Variants in KCNQ1 observed in about 807,000 individuals in gnomAD.
The protein encoded by KCNQ1 is potassium voltage-gated channel subfamily KQT member 1.
KCNQ1 carries 49 observed loss-of-function variants against 72.4 expected under a neutral mutation model. That is an observed-to-expected ratio of 0.68 (90% CI 0.54 to 0.86). The LOEUF (loss-of-function observed/expected upper bound fraction) is 0.86. Among genes scored for constraint, KCNQ1 ranks in the 40% least tolerant of loss-of-function variants. The pLI, the probability that KCNQ1 is intolerant of heterozygous loss-of-function variation, is 0.00. For synonymous variants in KCNQ1, 450 were observed against 412.6 expected (o/e 1.09, Z -1.10); for missense variants, 790 against 945.1 (o/e 0.84, Z 2.15).
At position 2,620,213 on chromosome 11, in the gene KCNQ1, T is replaced by TATATATATA. The variant is rs1305943444; in HGVS notation, c.1393+31359_1393+31360insATATATATA. 1 of 239,608 alleles carries TATATATATA rather than the reference T, an allele frequency of 4.2e-6. No individual in the cohort carries two copies. Among genetic ancestry groups the TATATATATA allele is most frequent in the African/African-American group, 3.0e-5 (1 of 33,630 alleles). 14.8% of individuals were successfully genotyped at this position (239,608 alleles called of 1,614,324 possible). On this transcript the variant is annotated intron_variant, in intron 10 of 15. Transcript: ENST00000155840. The surrounding 1 kb of genome is among the most constrained non-coding windows in gnomAD (Gnocchi z 4.5). ...AGTTCATTCATGTATATATATATAT[T>TATATATATA]TTTTTTTTTTATTTTTTTTTTAGAC...
At chr11:2,472,024 ATGG>A (rs1159111805) in intron 1 of KCNQ1, among the ~76,000 whole-genome samples, 6 of 136,680 alleles carry the variant, frequency 4.4e-5, no homozygotes, top group African/African-American at 1.7e-4. Context: ...AGGTGTATGT[ATGG>A]TTGTGTGTGT....
intron 11 of KCNQ1, among the ~76,000 whole-genome samples, chr11:2,753,205 C>T (rs959984985): frequency 5.9e-5 from 9 of 152,308 alleles, no homozygotes; most frequent in African/African-American, 1.9e-4. Context: ...GGAAGCCATA[C>T]AGTATCTGAG....
chr11:2,566,670 G>A lies in KCNQ1; in HGVS notation c.478-3958G>A, dbSNP rs564062399. On this transcript the variant is annotated intron_variant, in intron 2 of 15. Coordinates refer to ENST00000155840, the MANE Select transcript of KCNQ1 (RefSeq NM_000218.3). The surrounding 1 kb of genome is among the most constrained non-coding windows in gnomAD (Gnocchi z 6.7). ...CTTTGGTCTGTTTGTGGTCTCAGTG[G>A]AGACCAAGGACGGCTCTTCTTCTCG... Among the ~76,000 whole-genome samples the A allele has an allele frequency of 1.9e-4, 29 of 152,232 alleles. No individual in the cohort carries two copies. The highest frequency in any genetic ancestry group is 7.0e-4 in the African/African-American group (29 of 41,534).
chr11:2,523,992 G>A (rs1354931458), intron 1 of KCNQ1, among the ~76,000 whole-genome samples: 1 of 152,082 alleles, frequency 6.6e-6, no homozygotes, highest in Non-Finnish European at 1.5e-5. Flanking sequence ...TGGCCCCTGA[G>A]GTGTCTGTGT....
chr11:2,816,459 C>T lies in KCNQ1; in HGVS notation c.1795-31308C>T, dbSNP rs1424185307. Among the ~76,000 whole-genome samples, 1 of 152,180 alleles carries T rather than the reference C, an allele frequency of 6.6e-6. No homozygotes were observed. ...CTGAGAATCCGCCCTGGAGCAGTAA[C>T]ACCCTTGGGACTGAGAATGGCTTCT... On this transcript the variant is annotated intron_variant, in intron 15 of 15. Coordinates refer to ENST00000155840, the MANE Select transcript of KCNQ1 (RefSeq NM_000218.3). The surrounding 1 kb of genome is among the most constrained non-coding windows in gnomAD (Gnocchi z 6.8).
chr11:2,826,295 G>A lies in KCNQ1; in HGVS notation c.1795-21472G>A, dbSNP rs1847838148. 6.6e-6 allele frequency among the ~76,000 whole-genome samples: 1 copy of A among 152,198 alleles called. No homozygotes were observed. Among genetic ancestry groups the A allele is most frequent in the Non-Finnish European group, 1.5e-5 (1 of 68,030 alleles). On this transcript the variant is annotated intron_variant, in intron 15 of 15. Coordinates refer to ENST00000155840, the MANE Select transcript of KCNQ1 (RefSeq NM_000218.3). The surrounding 1 kb of genome is among the most constrained non-coding windows in gnomAD (Gnocchi z 4.2). ...TGAAAAATGAAGAAATTGAGCCGGGGTTGGGGGCGGGGAGGGCAGGTTAAC... is the reference window on the plus strand; with the variant it reads ...TGAAAAATGAAGAAATTGAGCCGGGATTGGGGGCGGGGAGGGCAGGTTAAC...
rs968405222 is a variant in KCNQ1, at chr11:2,698,989, G to A, written c.1514+36908G>A. The A allele has an allele frequency of 5.0e-6, 2 of 398,444 alleles. No homozygotes were observed. Among genetic ancestry groups the A allele is most frequent in the Non-Finnish European group, 8.8e-6 (2 of 226,064 alleles). 24.7% of individuals were successfully genotyped at this position (398,444 alleles called of 1,614,324 possible). A position where few individuals can be genotyped will look rare whatever the true frequency, so the allele number is the denominator to read the frequency against. On this transcript the variant is annotated intron_variant, in intron 11 of 15. Transcript: ENST00000155840. This position sits in a 1 kb window ranked among gnomAD's most constrained non-coding sequence, Gnocchi z 5.1. ...AACCACAACGGGGATTCCCACCTCC[G>A]ATCCTAATTCGGGCCCTGACTCAGA...
At chr11:2,535,039 C>T (rs1447323514) in intron 2 of KCNQ1, among the ~76,000 whole-genome samples, 2 of 152,220 alleles carry the variant, frequency 1.3e-5, no homozygotes, top group Non-Finnish European at 2.9e-5. Context: ...TGCACAGCCC[C>T]CAGGGCACGG....
At chr11:2,460,122 A>T (rs553478968) in intron 1 of KCNQ1, among the ~76,000 whole-genome samples, 1 of 152,084 alleles carries the variant, frequency 6.6e-6, no homozygotes, top group East Asian at 1.9e-4. Context: ...TGCAGTGCCC[A>T]TGGGCAGCAG....
chr11:2,461,665 C>G, intron 1 of KCNQ1: 2 of 1,366,954 alleles, frequency 1.5e-6, no homozygotes, highest in South Asian at 2.3e-5. Context: ...CTGCTGTGGA[C>G]CCTGGGAAAG....
chr11:2,680,523 T>C (rs762687491), intron 11 of KCNQ1: 2 of 398,584 alleles, frequency 5.0e-6, no homozygotes, highest in Non-Finnish European at 8.8e-6. Context: ...TTGAGATAAT[T>C]GTACATTTCT....
rs1437753152 is a variant in KCNQ1 at position 2,624,979 on chromosome 11, A to G, written c.1393+36125A>G. 2.0e-5 allele frequency: 8 copies of G among 398,396 alleles called. No individual in the cohort carries two copies. Among genetic ancestry groups the G allele is most frequent in the Admixed American group, 8.8e-5 (2 of 22,706 alleles). 24.7% of individuals were successfully genotyped at this position (398,396 alleles called of 1,614,324 possible). The stretch of plus-strand genomic sequence containing the variant: ...TGTATATACCACATTTTGCTTATCC[A>G]TTCTTCCATGGACATTTGGGTTGCA... On this transcript the variant is annotated intron_variant, in intron 10 of 15. Coordinates refer to ENST00000155840, the MANE Select transcript of KCNQ1 (RefSeq NM_000218.3). The surrounding 1 kb of genome is among the most constrained non-coding windows in gnomAD (Gnocchi z 4.9).
chr11:2,529,016 C>T (rs1847563051), intron 2 of KCNQ1, among the ~76,000 whole-genome samples: 1 of 152,208 alleles, frequency 6.6e-6, no homozygotes, highest in African/African-American at 2.4e-5. Flanking sequence ...ACTGTGTGTG[C>T]TCCATGGTGG....
In KCNQ1 at chr11:2,516,525, C is replaced by T. The variant is rs1482158469; in HGVS notation, c.387-11403C>T. On this transcript the variant is annotated intron_variant, in intron 1 of 15. Transcript: ENST00000155840. This position sits in a 1 kb window ranked among gnomAD's most constrained non-coding sequence, Gnocchi z 7.0. ...GAGATGGACAGGGAGCTGGACCTTC[C>T]CAATTCGGTTGCCCTTGCTTGATGT... 2.0e-5 allele frequency among the ~76,000 whole-genome samples: 3 copies of T among 152,098 alleles called. No homozygotes were observed. Among genetic ancestry groups the T allele is most frequent in the Non-Finnish European group, 4.4e-5 (3 of 68,014 alleles).
rs1327775915 is a variant in KCNQ1 at position 2,595,658 on chromosome 11, CA to C, written c.1393+6805del. On this transcript the variant is annotated intron_variant, in intron 10 of 15. Transcript: ENST00000155840. This position sits in a 1 kb window ranked among gnomAD's most constrained non-coding sequence, Gnocchi z 5.0. Reference sequence around the variant, plus strand: ...CTCTCAAAATGTTACTGCTCATTGACAGTGCACCTGGTCATCCAAGACCTCT... The same window carrying C: ...CTCTCAAAATGTTACTGCTCATTGACGTGCACCTGGTCATCCAAGACCTCT... 6.6e-6 allele frequency among the ~76,000 whole-genome samples: 1 copy of C among 151,962 alleles called. No homozygotes were observed. The highest frequency in any genetic ancestry group is 1.5e-5 in the Non-Finnish European group (1 of 68,048).
chr11:2,643,073 T>G, intron 10 of KCNQ1: 1 of 398,098 alleles, frequency 2.5e-6, no homozygotes. Context: ...ATACTTAGTG[T>G]CCTAACATAT....
chr11:2,461,948 C>T (rs2133582991), intron 1 of KCNQ1: 2 of 383,092 alleles, frequency 5.2e-6, no homozygotes, highest in South Asian at 3.9e-5. Context: ...TGTCTGCTGT[C>T]CTGGGGGAAG....
At chr11:2,834,106 G>C (rs1046504622) in intron 15 of KCNQ1, among the ~76,000 whole-genome samples, 1 of 152,364 alleles carries the variant, frequency 6.6e-6, no homozygotes, top group African/African-American at 2.4e-5. Context: ...GATGGGCTCA[G>C]CGCCTGCTGT....
Position 2,713,812 on chromosome 11 carries a change from T to TA in KCNQ1, c.1514+51732dup, listed in dbSNP as rs551916430. Among the ~76,000 whole-genome samples the TA allele has an allele frequency of 2.0e-5, 3 of 152,242 alleles. No individual in the cohort carries two copies. The highest frequency in any genetic ancestry group is 4.4e-5 in the Non-Finnish European group (3 of 68,044). ...CTGTAGAGTTCATGGATTCAGAGGA[T>TA]ATACCGTATTCTGGCCGTCTTACAT... On this transcript the variant is annotated intron_variant, in intron 11 of 15. Coordinates refer to ENST00000155840, the MANE Select transcript of KCNQ1 (RefSeq NM_000218.3). This position sits in a 1 kb window ranked among gnomAD's most constrained non-coding sequence, Gnocchi z 5.6.
Sources: gnomAD v4.1 joint callset for allele counts (sites outside exome capture counted in the v4.1 genomes callset) on GRCh38, gnomAD v4.1.1 for gene constraint, Gnocchi (gnomAD v3.1) non-coding constraint, MANE v1.5 for transcripts, NCBI Gene and HGNC (gene_info 2026-07-23, HGNC 2026-07-21) for gene names.